TTC39C: variants seen among roughly 807,000 people sequenced by gnomAD.
TTC39C encodes the protein tetratricopeptide repeat protein 39C.
Under a neutral mutation model 76.3 loss-of-function variants are expected in TTC39C, and 33 were observed. The ratio of observed to expected loss-of-function variants is 0.43; its 90% CI spans 0.33 to 0.58. TTC39C has a LOEUF of 0.58. TTC39C is among the 20% of genes least tolerant of loss of function. TTC39C has a pLI of 0.04. For synonymous variants in TTC39C, 254 were observed against 260.6 expected, an observed-to-expected ratio of 0.97 and a Z score of 0.24; for missense variants, 595 against 701.4, an observed-to-expected ratio of 0.85 and a Z score of 1.71.
chr18:24,092,061 C>G, intron 6 of TTC39C, among the ~76,000 whole-genome samples: 1 of 128,326 alleles, frequency 7.8e-6, no homozygotes, highest in South Asian at 2.6e-4. Flanking sequence ...TCACTGCACT[C>G]CAGCCTGGGT....
chr18:24,043,240 T>C (rs1440089417), intron 1 of TTC39C, among the ~76,000 whole-genome samples: 1 of 152,160 alleles, frequency 6.6e-6, no homozygotes, highest in Admixed American at 6.5e-5. Context: ...TATGTGTCTG[T>C]AGTCCCAGCT....
chr18:24,091,099 G>A (rs888912208), intron 6 of TTC39C, among the ~76,000 whole-genome samples: 14 of 152,156 alleles, frequency 9.2e-5, no homozygotes, highest in African/African-American at 2.9e-4. Flanking sequence ...AAGCCGCCAC[G>A]CCCGGCCTTA....
At chr18:24,081,041 T>G in intron 5 of TTC39C, 102 bp downstream of exon 5, 9 of 1,085,942 alleles carry the variant, frequency 8.3e-6, no homozygotes, top group Non-Finnish European at 1.2e-5. Context: ...AATGTTTGGT[T>G]GGTTGACAGG....
rs143923886 is a variant in TTC39C, at chr18:24,108,407, C to T, written c.985-6147C>T. Among the ~76,000 whole-genome samples, 331 of 152,292 alleles carry T rather than the reference C, an allele frequency of 2.2e-3. 2 individuals carry two copies. Among genetic ancestry groups the T allele is most frequent in the Middle Eastern group, 0.01 (3 of 294 alleles). Reference sequence around the variant, plus strand: ...TCTGGGCCAAATCCCCAAAAGAACTCGGCCTTGTTTCCATTTCTACTCTTT... The same window carrying T: ...TCTGGGCCAAATCCCCAAAAGAACTTGGCCTTGTTTCCATTTCTACTCTTT... On this transcript the variant is annotated intron_variant, in intron 6 of 13. Coordinates refer to ENST00000317571, the MANE Select transcript of TTC39C (RefSeq NM_001135993.2).
At chr18:24,052,409 A>G (rs935503090) in intron 1 of TTC39C, among the ~76,000 whole-genome samples, 2 of 152,178 alleles carry the variant, frequency 1.3e-5, no homozygotes, top group East Asian at 3.8e-4. Flanking sequence ...AGTGAGTGGA[A>G]CAAAACTAAA....
At chr18:24,068,069 G>T (rs1375373115) in intron 3 of TTC39C, among the ~76,000 whole-genome samples, 2 of 152,046 alleles carry the variant, frequency 1.3e-5, no homozygotes. Flanking sequence ...TAGTAATATG[G>T]TCTATATTTT....
chr18:24,017,964 T>C (rs1394126700), intron 1 of TTC39C, among the ~76,000 whole-genome samples: 2 of 152,228 alleles, frequency 1.3e-5, no homozygotes, highest in East Asian at 1.9e-4. Flanking sequence ...AGCTGCCTGA[T>C]GAGAAATGGT....
intron 1 of TTC39C, among the ~76,000 whole-genome samples, chr18:24,036,868 A>G (rs1246033271): frequency 6.6e-6 from 1 of 152,138 alleles, no homozygotes; most frequent in East Asian, 1.9e-4. Context: ...CCTGGGCTCA[A>G]GCCATCTGTC....
chr18:24,084,441 C>A (rs182127809), intron 6 of TTC39C, among the ~76,000 whole-genome samples: 1 of 152,172 alleles, frequency 6.6e-6, no homozygotes, highest in Non-Finnish European at 1.5e-5. Flanking sequence ...GCCGAGATTG[C>A]GCCACTGCAC....
intron 1 of TTC39C, among the ~76,000 whole-genome samples, chr18:24,037,665 A>G (rs913013260): frequency 2.0e-5 from 3 of 152,190 alleles, no homozygotes; most frequent in Non-Finnish European, 2.9e-5. Flanking sequence ...TGTTGCATTA[A>G]CTGGTTACTA....
In TTC39C at chr18:23,997,722, G is replaced by GAAAGAAAC. The variant is rs1305883486; in HGVS notation, c.-17+4687_-17+4688insGAAACAAA. On this transcript the variant is annotated intron_variant, in intron 1 of 13. Transcript: ENST00000304621. ...AGAAAGAAAGAAAGAAAGAAAGAAAGAAACCAAAACAGGCATAGTGGCATG... is the reference window on the plus strand; with the variant it reads ...AGAAAGAAAGAAAGAAAGAAAGAAAGAAAGAAACAAACCAAAACAGGCATAGTGGCATG... Among the ~76,000 whole-genome samples the GAAAGAAAC allele has an allele frequency of 2.7e-5, 4 of 150,364 alleles. 1 individual carries two copies. The highest frequency in any genetic ancestry group is 4.2e-4 in the South Asian group (2 of 4,742).
intron 3 of TTC39C, 93 bp downstream of exon 3, chr18:24,066,233 A>G: frequency 6.8e-7 from 1 of 1,465,296 alleles, no homozygotes; most frequent in South Asian, 1.3e-5. Context: ...GCTTGGTTTT[A>G]GTATTTAGAA....
chr18:24,029,110 TG>T (rs1333035369), intron 1 of TTC39C, among the ~76,000 whole-genome samples: 2,232 of 16,940 alleles, frequency 0.13, 40 homozygotes, highest in East Asian at 0.4. Flanking sequence ...TTGTTGTTGT[TG>T]TTTTTGTGTG....
chr18:24,055,588 T>C (rs569114584), intron 1 of TTC39C, among the ~76,000 whole-genome samples: 2 of 152,296 alleles, frequency 1.3e-5, no homozygotes, highest in Non-Finnish European at 2.9e-5. Context: ...GATTGTTCGT[T>C]TTTTGTTGTT....
At chr18:24,111,077 A>G (rs575348010) in intron 6 of TTC39C, among the ~76,000 whole-genome samples, 35 of 150,006 alleles carry the variant, frequency 2.3e-4, no homozygotes, top group Non-Finnish European at 4.1e-4. Context: ...TGCAACCTCC[A>G]CCTCTCGGGT....
intron 6 of TTC39C, among the ~76,000 whole-genome samples, chr18:24,098,867 A>G (rs2084634941): frequency 6.6e-6 from 1 of 151,786 alleles, no homozygotes; most frequent in Non-Finnish European, 1.5e-5. Flanking sequence ...CCTGACCTCA[A>G]GTGATCCTCC....
chr18:24,094,435 A>G (rs1055195469), intron 6 of TTC39C, among the ~76,000 whole-genome samples: 1 of 152,240 alleles, frequency 6.6e-6, no homozygotes, highest in Non-Finnish European at 1.5e-5. Flanking sequence ...TGGTGTTTAC[A>G]ATGGTAAATC....
chr18:24,025,707 T>G lies in TTC39C; in HGVS notation c.167+10669T>G, dbSNP rs138362034. On this transcript the variant is annotated intron_variant, in intron 1 of 13. Coordinates refer to ENST00000317571, the MANE Select transcript of TTC39C (RefSeq NM_001135993.2). ...TCACCCCAGAACGGCCCAACAGGTT[T>G]GCAAAATGTCTCCATTGAGAGGCGC... is the stretch of plus-strand genomic sequence containing the variant. 2.5e-3 allele frequency among the ~76,000 whole-genome samples: 378 copies of G among 152,254 alleles called. 1 individual carries two copies. Among genetic ancestry groups the G allele is most frequent in the Non-Finnish European group, 4.2e-3 (284 of 68,028 alleles).
At chr18:24,084,249 T>G (rs77222180) in intron 6 of TTC39C, among the ~76,000 whole-genome samples, 2,387 of 152,258 alleles carry the variant, frequency 0.016, 53 homozygotes, top group East Asian at 0.11. Flanking sequence ...TTTGGGAGGC[T>G]GAGGCAGGTG....
Sources: allele counts gnomAD v4.1 joint callset (sites outside exome capture counted in the v4.1 genomes callset), GRCh38; gene constraint gnomAD v4.1.1; transcripts MANE v1.5; gene names NCBI Gene and HGNC (gene_info 2026-07-23, HGNC 2026-07-21).